Variants in UTRN observed in about 807,000 individuals in gnomAD.
UTRN encodes the protein dystrophin-related protein 1.
Under a neutral mutation model 463.9 loss-of-function variants are expected in UTRN, and 283 were observed. The ratio of observed to expected loss-of-function variants is 0.61; its 90% CI spans 0.55 to 0.67. The LOEUF is 0.67. Ranked by LOEUF, UTRN falls within the 30% of genes least tolerant of loss-of-function variation. The pLI, the probability that UTRN is intolerant of heterozygous loss-of-function variation, is 0.00. For missense variants in UTRN, 3,922 were observed against 4,084.3 expected (o/e 0.96, Z 1.08); for synonymous variants, 1,442 against 1,431.5 (o/e 1.01, Z -0.17).
At chr6:144,724,300 C>G (rs1787591519) in intron 53 of UTRN, among the ~76,000 whole-genome samples, 1 of 147,356 alleles carries the variant, frequency 6.8e-6, no homozygotes, top group Non-Finnish European at 1.5e-5. Context: ...GCAATCTCAG[C>G]CCACTGCAAC....
At position 144,542,781 on chromosome 6, in the gene UTRN, T is replaced by C. The variant is rs1023109069; in HGVS notation, c.6520-14T>C. The stretch of plus-strand genomic sequence containing the variant: ...CGTAGTATTCTTCTCTTTCTGTTTG[T>C]CCTGATGCGGTAGATTTGCAGAGAG... On this transcript the variant is annotated splice_polypyrimidine_tract_variant and intron_variant, in intron 45 of 74. Transcript: ENST00000367545. 1 of 1,612,126 alleles carries C rather than the reference T, an allele frequency of 6.2e-7. No homozygotes were observed. Among genetic ancestry groups the C allele is most frequent in the Non-Finnish European group, 8.5e-7 (1 of 1,179,200 alleles).
rs773105073 is a variant in UTRN at position 144,726,078 on chromosome 6, G to A, written c.7810-4279G>A. 4.6e-4 allele frequency among the ~76,000 whole-genome samples: 70 copies of A among 152,164 alleles called. 1 individual carries two copies. The highest frequency in any genetic ancestry group is 6.8e-3 in the Middle Eastern group (2 of 294). ...GCACGGAGTTTAATGTGGTTAGGAA[G>A]CAAAATACAATCTAAGACTCAGACT... On this transcript the variant is annotated intron_variant, in intron 53 of 74. Transcript: ENST00000367545.
chr6:144,830,806 T>C (rs1270610298), intron 69 of UTRN, among the ~76,000 whole-genome samples: 1 of 152,160 alleles, frequency 6.6e-6, no homozygotes, highest in Non-Finnish European at 1.5e-5. Flanking sequence ...AAAATTCTTA[T>C]TCTTTCAATG....
intron 2 of UTRN, among the ~76,000 whole-genome samples, chr6:144,351,215 G>A (rs1778081392): frequency 6.6e-6 from 1 of 152,142 alleles, no homozygotes; most frequent in South Asian, 2.1e-4. Flanking sequence ...TTGACAGATT[G>A]CAAGAAGGAT....
At chr6:144,830,987 C>A (rs984134786) in intron 69 of UTRN, among the ~76,000 whole-genome samples, 13 of 152,228 alleles carry the variant, frequency 8.5e-5, no homozygotes, top group Admixed American at 7.2e-4. Context: ...AAATCAAGGT[C>A]TTTTTCTCTT....
intron 50 of UTRN, among the ~76,000 whole-genome samples, chr6:144,567,795 T>C (rs1800538078): frequency 1.3e-5 from 2 of 152,180 alleles, no homozygotes. Flanking sequence ...CACCAAAATT[T>C]GGCAACACAC....
chr6:144,776,098 C>G (rs1343206422), intron 60 of UTRN, among the ~76,000 whole-genome samples: 1 of 152,214 alleles, frequency 6.6e-6, no homozygotes, highest in Non-Finnish European at 1.5e-5. Flanking sequence ...TGGGCCACTC[C>G]TGGAGCTCAT....
Position 144,361,778 on chromosome 6 carries a change from T to C in UTRN, c.80-41345T>C, listed in dbSNP as rs1422669241. 2.7e-5 allele frequency among the ~76,000 whole-genome samples: 4 copies of C among 150,314 alleles called. No individual in the cohort carries two copies. In the East Asian group the frequency reaches 7.8e-4, roughly 29 times the overall value. On this transcript the variant is annotated intron_variant, in intron 2 of 74. Coordinates refer to ENST00000367545, the MANE Select transcript of UTRN (RefSeq NM_007124.3). ...TAATTTTCTTTCTTTCTTTCTTTTT[T>C]TTTTTTTTGTAGAGATGGGGTCTCG...
In UTRN at chr6:144,428,825, A is replaced by G; in HGVS notation, c.626A>G (p.Glu209Gly). Residue 209 changes from glutamate to glycine, a missense_variant, in exon 8 of 75, where the codon GAG becomes GGG. This residue lies in a region of UTRN where 264 missense variants were observed against 327.9 expected (regional missense o/e 0.81). Coordinates refer to ENST00000367545, the MANE Select transcript of UTRN (RefSeq NM_007124.3). ...WDKVVKMSPIERLEHAFSKAQ... is the reference protein window; with the variant it reads ...WDKVVKMSPIGRLEHAFSKAQ... ...AAAGTTGTCAAAATGTCACCAATTG[A>G]GAGACTTGAACATGCCTTCAGCAAG... 3.1e-6 allele frequency: 5 copies of G among 1,612,268 alleles called. No homozygotes were observed. The South Asian group carries it at 5.5e-5, about 18-fold the overall frequency.
intron 51 of UTRN, among the ~76,000 whole-genome samples, chr6:144,645,725 T>G (rs1778223448): frequency 6.6e-6 from 1 of 152,102 alleles, no homozygotes; most frequent in African/African-American, 2.4e-5. Flanking sequence ...GGAGAACAAA[T>G]TTTAAAAGTG....
intron 73 of UTRN, 87 bp downstream of exon 73, chr6:144,840,919 A>G: frequency 7.1e-7 from 1 of 1,406,028 alleles, no homozygotes; most frequent in Non-Finnish European, 9.9e-7. Flanking sequence ...TTCTTCCTTA[A>G]GATAACAAAA....
At chr6:144,708,115 A>G (rs1435804175) in intron 53 of UTRN, 2 of 307,820 alleles carry the variant, frequency 6.5e-6, no homozygotes, top group East Asian at 8.3e-5. Flanking sequence ...TTCACTTTTC[A>G]GTAAAGATAA....
chr6:144,801,367 G>A (rs1456932837), intron 64 of UTRN, among the ~76,000 whole-genome samples: 1 of 151,958 alleles, frequency 6.6e-6, no homozygotes, highest in Non-Finnish European at 1.5e-5. Context: ...GGTCCAGTTG[G>A]AATAGGTCTG....
At chr6:144,404,401 TA>T (rs1584638253) in intron 3 of UTRN, among the ~76,000 whole-genome samples, 1 of 152,228 alleles carries the variant, frequency 6.6e-6, no homozygotes, top group Non-Finnish European at 1.5e-5. Context: ...TTGACATGAA[TA>T]AAAACTTTTG....
At chr6:144,817,353 G>C (rs540778192) in intron 65 of UTRN, among the ~76,000 whole-genome samples, 2 of 151,976 alleles carry the variant, frequency 1.3e-5, no homozygotes, top group African/African-American at 4.8e-5. Context: ...AAAATGTTGG[G>C]TAATTTGTGT....
chr6:144,642,403 CT>C (rs1248936804), intron 51 of UTRN, among the ~76,000 whole-genome samples: 2 of 152,030 alleles, frequency 1.3e-5, no homozygotes, highest in African/African-American at 4.8e-5. Context: ...TGTTTGCAAT[CT>C]TTTGTTTTTC....
chr6:144,368,896 C>T (rs751538103), intron 2 of UTRN, among the ~76,000 whole-genome samples: 4 of 152,172 alleles, frequency 2.6e-5, no homozygotes, highest in Non-Finnish European at 5.9e-5. Context: ...TTGTGACTTA[C>T]AAGGTGTCTT....
chr6:144,624,427 C>T (rs1775744496), intron 51 of UTRN, among the ~76,000 whole-genome samples: 6 of 152,028 alleles, frequency 3.9e-5, no homozygotes, highest in Admixed American at 3.3e-4. Flanking sequence ...AGCCAACAAC[C>T]GAAGAATGGA....
intron 39 of UTRN, 85 bp downstream of exon 39, chr6:144,517,033 C>G: frequency 8.5e-7 from 1 of 1,178,490 alleles, no homozygotes; most frequent in Non-Finnish European, 1.1e-6. Flanking sequence ...ATCACAGATG[C>G]TTTAAAACAC....
Sources: gnomAD v4.1 joint callset for allele counts (sites outside exome capture counted in the v4.1 genomes callset) on GRCh38, gnomAD v4.1.1 for gene constraint, gnomAD v4.1.1 regional missense constraint, MANE v1.5 for transcripts, NCBI Gene and HGNC (gene_info 2026-07-23, HGNC 2026-07-21) for gene names.